Variants in SLC22A7 observed in about 807,000 individuals in gnomAD.
The protein encoded by SLC22A7 is solute carrier family 22 member 7.
Under a neutral mutation model 62.2 loss-of-function variants are expected in SLC22A7, and 48 were observed. The observed-to-expected ratio is 0.77, with a 90% CI of 0.61 to 0.98. The LOEUF is 0.98. Among genes scored for constraint, SLC22A7 ranks in the 50% least tolerant of loss-of-function variants. The probability of loss-of-function intolerance (pLI) is 0.00; values close to 1 mark genes in which losing one functional copy is unlikely to be tolerated. For synonymous variants in SLC22A7, 276 were observed against 314.8 expected (o/e 0.88, Z 1.30); for missense variants, 581 against 703.8 (o/e 0.83, Z 1.97).
At chr6:43,297,059 C>T (rs1778579268), upstream of SLC22A7, among the ~76,000 whole-genome samples, 1 of 152,110 alleles carries the variant, frequency 6.6e-6, no homozygotes, top group Non-Finnish European at 1.5e-5. Context: ...CATTGTCACC[C>T]CCTGTCACTG....
Position 43,302,185 on chromosome 6 carries a change from T to C in SLC22A7, c.1062-15T>C. The C allele has an allele frequency of 6.4e-7, 1 of 1,552,338 alleles. No individual in the cohort carries two copies. The highest frequency in any genetic ancestry group is 8.7e-7 in the Non-Finnish European group (1 of 1,143,184). On this transcript the variant is annotated splice_polypyrimidine_tract_variant and intron_variant, in intron 7 of 10. Coordinates refer to ENST00000372585, the MANE Select transcript of SLC22A7 (RefSeq NM_153320.2). The surrounding 1 kb of genome is among the most constrained non-coding windows in gnomAD (Gnocchi z 5.0). ...GGAAGGAGGGTCCGCCAAGTGGCAC[T>C]GAGACTCCTTTCAGGTTCGGAGTGA...
At position 43,299,935 on chromosome 6, in the gene SLC22A7, T is replaced by A. The variant is rs151091742; in HGVS notation, c.696T>A (p.Ala232=). The change falls in exon 5 of 11, where the codon GCT becomes GCA. Residue 232 remains alanine, a synonymous_variant. Transcript: ENST00000372585. This position sits in a 1 kb window ranked among gnomAD's most constrained non-coding sequence, Gnocchi z 4.4. ...TGGATGTGGAGCACCGCACCGTGGC[T>A]GGAGTCCTGAGCAGCACCTTCTGGA... is the stretch of plus-strand genomic sequence containing the variant. ...EWLDVEHRTV[A]GVLSSTFWTG... 2.5e-6 allele frequency: 4 copies of A among 1,614,062 alleles called. No individual in the cohort carries two copies. The highest frequency in any genetic ancestry group is 3.4e-6 in the Non-Finnish European group (4 of 1,180,038).
Position 43,302,696 on chromosome 6 carries a change from G to A in SLC22A7, c.1318G>A (p.Ala440Thr), listed in dbSNP as rs548744441. 3.7e-6 allele frequency: 6 copies of A among 1,609,246 alleles called. No homozygotes were observed. In the South Asian group the frequency reaches 5.6e-5, roughly 15 times the overall value. The change falls in exon 9 of 11, where the codon GCT (alanine) becomes ACT (threonine). Residue 440 changes from alanine to threonine, a missense_variant. Ala to Thr is a moderately conservative substitution (Grantham distance 58, BLOSUM62 0). Transcript: ENST00000372585. The surrounding 1 kb of genome is among the most constrained non-coding windows in gnomAD (Gnocchi z 5.0). ...CACTGTCCTGGCAGTGATGGGGAAAGCTTTTTCTGAAGCTGCCTTCACCAC... is the reference window on the plus strand; with the variant it reads ...CACTGTCCTGGCAGTGATGGGGAAAACTTTTTCTGAAGCTGCCTTCACCAC... ...WSTVLAVMGK[A>T]FSEAAFTTAY...
upstream of SLC22A7, among the ~76,000 whole-genome samples, chr6:43,297,809 C>T (rs370875444): frequency 6.6e-5 from 10 of 152,254 alleles, no homozygotes; most frequent in African/African-American, 1.4e-4. Flanking sequence ...GAGAGGGATG[C>T]GAGGAGGCCT....
chr6:43,301,216 G>C lies in SLC22A7; in HGVS notation c.909G>C (p.Arg303Ser). ...EAHRYLLHCARLNGRPVCEDS... is the reference protein window; with the variant it reads ...EAHRYLLHCASLNGRPVCEDS... Reference sequence around the variant, plus strand: ...ACAGGTACTTGCTCCACTGTGCCAGGCTCAATGGGCGGCCAGTGTGTGAGG... The same window carrying C: ...ACAGGTACTTGCTCCACTGTGCCAGCCTCAATGGGCGGCCAGTGTGTGAGG... The change falls in exon 6 of 11, where the codon AGG (arginine) becomes AGC (serine). Residue 303 changes from arginine (R) to serine (S), a missense_variant. Coordinates refer to ENST00000372585, the MANE Select transcript of SLC22A7 (RefSeq NM_153320.2). 2 of 1,614,198 alleles carry C rather than the reference G, an allele frequency of 1.2e-6. No homozygotes were observed. The highest frequency in any genetic ancestry group is 1.7e-6 in the Non-Finnish European group (2 of 1,180,036).
intron 6 of SLC22A7, 29 bp downstream of exon 6, chr6:43,301,287 A>G (rs756703521): frequency 2.5e-6 from 4 of 1,612,996 alleles, no homozygotes; most frequent in Non-Finnish European, 3.4e-6. Flanking sequence ...GTGAGCATGC[A>G]TATATGTGTG....
upstream of SLC22A7, among the ~76,000 whole-genome samples, chr6:43,296,554 CGTGA>C (rs1424649023): frequency 6.6e-6 from 1 of 152,172 alleles, no homozygotes; most frequent in Non-Finnish European, 1.5e-5. Flanking sequence ...TGAGGTCACA[CGTGA>C]GTGAGGATGA....
Position 43,302,839 on chromosome 6 carries a change from G to T in SLC22A7, c.1385+76G>T. On this transcript the variant is annotated intron_variant, in intron 9 of 10. Transcript: ENST00000372585. This position sits in a 1 kb window ranked among gnomAD's most constrained non-coding sequence, Gnocchi z 5.0. ...TCTTAACCAACACTTCTACATACACGCACCACAACCTGGTCTCTCACTCAT... is the reference window on the plus strand; with the variant it reads ...TCTTAACCAACACTTCTACATACACTCACCACAACCTGGTCTCTCACTCAT... 1.1e-6 allele frequency: 1 copy of T among 941,312 alleles called. No individual in the cohort carries two copies. The highest frequency in any genetic ancestry group is 1.7e-6 in the Non-Finnish European group (1 of 603,350). The allele number at this position is 941,312 out of a possible 1,614,324, so 58.3% of individuals were successfully genotyped here. A position where few individuals can be genotyped will look rare whatever the true frequency, so the allele number is the denominator to read the frequency against.
upstream of SLC22A7, among the ~76,000 whole-genome samples, chr6:43,297,812 G>A (rs1303898573): frequency 6.6e-6 from 1 of 152,232 alleles, no homozygotes; most frequent in Non-Finnish European, 1.5e-5. Context: ...AGGGATGCGA[G>A]GAGGCCTCAT....
At position 43,298,300 on chromosome 6, in the gene SLC22A7, T is replaced by G; in HGVS notation, c.-59T>G. 1 of 1,477,056 alleles carries G rather than the reference T, an allele frequency of 6.8e-7. No homozygotes were observed. The highest frequency in any genetic ancestry group is 9.3e-7 in the Non-Finnish European group (1 of 1,080,652). 91.5% of individuals were successfully genotyped at this position (1,477,056 alleles called of 1,614,324 possible). On this transcript the variant is annotated 5_prime_UTR_variant, in exon 1 of 11. Transcript: ENST00000372585. ...GTCCAAGGGTCTATGTGGTGGGCAGTTTGAGCTGGCTGGATACTAGAGGGA... is the reference window on the plus strand; with the variant it reads ...GTCCAAGGGTCTATGTGGTGGGCAGGTTGAGCTGGCTGGATACTAGAGGGA...
rs893099832 is a variant in SLC22A7 at position 43,302,842 on chromosome 6, C to T, written c.1385+79C>T. On this transcript the variant is annotated intron_variant, in intron 9 of 10. Coordinates refer to ENST00000372585, the MANE Select transcript of SLC22A7 (RefSeq NM_153320.2). This position sits in a 1 kb window ranked among gnomAD's most constrained non-coding sequence, Gnocchi z 5.0. ...TAACCAACACTTCTACATACACGCA[C>T]CACAACCTGGTCTCTCACTCATTTT... 40 of 903,010 alleles carry T rather than the reference C, an allele frequency of 4.4e-5. No homozygotes were observed. In the East Asian group the frequency reaches 5.3e-4, roughly 12 times the overall value. 55.9% of individuals were successfully genotyped at this position (903,010 alleles called of 1,614,324 possible).
At chr6:43,297,580 G>T (rs1022261661), upstream of SLC22A7, among the ~76,000 whole-genome samples, 6 of 152,106 alleles carry the variant, frequency 3.9e-5, no homozygotes, top group East Asian at 1.9e-4. Context: ...GGCATTGCAG[G>T]TACCTTGGCA....
Position 43,299,294 on chromosome 6 carries a change from C to A in SLC22A7, c.400-96C>A. ...ATGGAGGTACCAGAATGGCAGAGTTCGCCTCAGAAGGCTCCAGGGTCTGGA... is the reference window on the plus strand; with the variant it reads ...ATGGAGGTACCAGAATGGCAGAGTTAGCCTCAGAAGGCTCCAGGGTCTGGA... On this transcript the variant is annotated intron_variant, in intron 2 of 10. Coordinates refer to ENST00000372585, the MANE Select transcript of SLC22A7 (RefSeq NM_153320.2). This position sits in a 1 kb window ranked among gnomAD's most constrained non-coding sequence, Gnocchi z 4.4. 1 of 1,603,102 alleles carries A rather than the reference C, an allele frequency of 6.2e-7. No homozygotes were observed. The highest frequency in any genetic ancestry group is 8.5e-7 in the Non-Finnish European group (1 of 1,174,574).
chr6:43,303,231 C>T (rs965978132), intron 9 of SLC22A7: 251 of 878,046 alleles, frequency 2.9e-4, no homozygotes, highest in Non-Finnish European at 3.3e-4. Context: ...AAGGCCAAGG[C>T]GGGCGGATCA....
upstream of SLC22A7, among the ~76,000 whole-genome samples, chr6:43,297,253 A>T (rs900979451): frequency 6.6e-5 from 10 of 152,098 alleles, no homozygotes; most frequent in African/African-American, 1.9e-4. Context: ...GAGTCAGGGG[A>T]CCTGGTCTTT....
At position 43,300,071 on chromosome 6, in the gene SLC22A7, G is replaced by C. The variant is rs750281697; in HGVS notation, c.827+5G>C. ...CCCAGGCATCCTCAGCCTCTGGTGA[G>C]GACTGCAGGCAGCTGGGGAGCGGGA... is the stretch of plus-strand genomic sequence containing the variant. On this transcript the variant is annotated splice_donor_5th_base_variant and intron_variant, in intron 5 of 10. Transcript: ENST00000372585. 3 of 1,613,896 alleles carry C rather than the reference G, an allele frequency of 1.9e-6. No homozygotes were observed. The highest frequency in any genetic ancestry group is 2.5e-6 in the Non-Finnish European group (3 of 1,179,978).
rs1011583968 is a variant in SLC22A7, at chr6:43,302,331, G to A, written c.1193G>A (p.Arg398His). The A allele has an allele frequency of 4.3e-6, 7 of 1,613,534 alleles. No individual in the cohort carries two copies. Among genetic ancestry groups the A allele is most frequent in the East Asian group, 4.5e-5 (2 of 44,872 alleles). Residue 398 changes from arginine (R) to histidine (H), a missense_variant, in exon 8 of 11, where the codon CGC becomes CAC. Arg to His is a conservative substitution (Grantham distance 29). Transcript: ENST00000372585. The surrounding 1 kb of genome is among the most constrained non-coding windows in gnomAD (Gnocchi z 5.0). Reference protein sequence around the residue: ...PSKLLVYLSVRYAGRRLTQAG... With the variant: ...PSKLLVYLSVHYAGRRLTQAG... ...AAGCTGCTGGTCTACTTGTCGGTGC[G>A]CTACGCAGGACGCCGCCTCACGCAA...
Position 43,302,851 on chromosome 6 carries a change from G to A in SLC22A7, c.1385+88G>A. On this transcript the variant is annotated intron_variant, in intron 9 of 10. Coordinates refer to ENST00000372585, the MANE Select transcript of SLC22A7 (RefSeq NM_153320.2). The surrounding 1 kb of genome is among the most constrained non-coding windows in gnomAD (Gnocchi z 5.0). ...CTTCTACATACACGCACCACAACCT[G>A]GTCTCTCACTCATTTTTTTTTTAAT... 1 of 848,576 alleles carries A rather than the reference G, an allele frequency of 1.2e-6. No homozygotes were observed. The highest frequency in any genetic ancestry group is 1.9e-6 in the Non-Finnish European group (1 of 534,328). 52.6% of individuals were successfully genotyped at this position (848,576 alleles called of 1,614,324 possible).
rs1219972838 is a variant in SLC22A7 at position 43,299,187 on chromosome 6, AGCTGAGGCT to A, written c.399+93_399+101del. ...CAGGTCGAGGCCTTCCTTGGGAAGA[AGCTGAGGCT>A]GCAGGACTGGGGAGGGACAAAGTTT... On this transcript the variant is annotated intron_variant, in intron 2 of 10. Coordinates refer to ENST00000372585, the MANE Select transcript of SLC22A7 (RefSeq NM_153320.2). The surrounding 1 kb of genome is among the most constrained non-coding windows in gnomAD (Gnocchi z 4.4). The A allele has an allele frequency of 6.2e-7, 1 of 1,614,136 alleles. No homozygotes were observed. The highest frequency in any genetic ancestry group is 8.5e-7 in the Non-Finnish European group (1 of 1,180,018).
Sources: gnomAD v4.1 joint callset for allele counts (sites outside exome capture counted in the v4.1 genomes callset) on GRCh38, gnomAD v4.1.1 for gene constraint, Gnocchi (gnomAD v3.1) non-coding constraint, MANE v1.5 for transcripts, NCBI Gene and HGNC (gene_info 2026-07-23, HGNC 2026-07-21) for gene names.